GSE1: variants seen among roughly 807,000 people sequenced by gnomAD.
GSE1 encodes Gse1 coiled-coil protein.
In GSE1, 32 loss-of-function variants were observed where a neutral mutation model predicts 112.6. The observed-to-expected ratio is 0.28, with a 90% CI of 0.21 to 0.38. The LOEUF (loss-of-function observed/expected upper bound fraction) is 0.38. Ranked by LOEUF, GSE1 falls within the 10% of genes least tolerant of loss-of-function variation. GSE1 has a pLI of 1.00. For synonymous variants in GSE1, 1,115 were observed against 735.6 expected (o/e 1.52, Z -8.35); for missense variants, 2,348 against 1,699.2 (o/e 1.38, Z -6.71).
chr16:85,262,595 G>A (rs1186285134), intron 1 of GSE1, among the ~76,000 whole-genome samples: 1 of 152,236 alleles, frequency 6.6e-6, no homozygotes, highest in Non-Finnish European at 1.5e-5. Flanking sequence ...GTCAGCAGGA[G>A]AAGGACGCAA....
At chr16:85,613,304 G>A (rs2048119736), upstream of GSE1, 3 of 1,545,526 alleles carry the variant, frequency 1.9e-6, no homozygotes, top group East Asian at 2.5e-5. Flanking sequence ...CCGCCGAGCA[G>A]CCCCGGGTGA....
At chr16:85,608,587 A>T (rs544224388), upstream of GSE1, among the ~76,000 whole-genome samples, 28 of 152,322 alleles carry the variant, frequency 1.8e-4, no homozygotes, top group South Asian at 1.9e-3. Flanking sequence ...GTGGTTACCG[A>T]GAAGTGCTGC....
At chr16:85,484,544 G>C (rs1338034640) in intron 2 of GSE1, among the ~76,000 whole-genome samples, 1 of 152,204 alleles carries the variant, frequency 6.6e-6, no homozygotes, top group Non-Finnish European at 1.5e-5. Flanking sequence ...ACGCCTCCGC[G>C]ACACAGCAGG....
intron 2 of GSE1, chr16:85,490,979 C>T (rs1461633218): frequency 6.6e-6 from 1 of 152,148 alleles, no homozygotes; most frequent in Non-Finnish European, 1.5e-5. Context: ...CGGGAGCCTC[C>T]CCAACGCGGG....
chr16:85,328,472 G>A (rs1223109811), intron 1 of GSE1, among the ~76,000 whole-genome samples: 9 of 152,198 alleles, frequency 5.9e-5, no homozygotes, highest in East Asian at 5.8e-4. Context: ...TCCCCCGCCC[G>A]CCTAGACACT....
intron 2 of GSE1, among the ~76,000 whole-genome samples, chr16:85,413,617 A>G (rs2048634895): frequency 6.6e-6 from 1 of 152,150 alleles, no homozygotes; most frequent in Admixed American, 6.5e-5. Flanking sequence ...TATCAATTAC[A>G]TACATGTACC....
intron 1 of GSE1, among the ~76,000 whole-genome samples, chr16:85,308,676 A>T (rs1382008730): frequency 6.6e-6 from 1 of 152,004 alleles, no homozygotes; most frequent in Non-Finnish European, 1.5e-5. Context: ...ATATATTTTT[A>T]AAACACATTG....
At chr16:85,662,764 A>G in intron 9 of GSE1, 1 of 541,518 alleles carries the variant, frequency 1.8e-6, no homozygotes, top group South Asian at 2.4e-5. Flanking sequence ...ACTGGGAGCC[A>G]TGGATCCCAG....
intron 2 of GSE1, among the ~76,000 whole-genome samples, chr16:85,513,172 CCT>C (rs1470032791): frequency 6.6e-6 from 1 of 152,164 alleles, no homozygotes; most frequent in East Asian, 1.9e-4. Flanking sequence ...ACTCCTGCTG[CCT>C]CTGTGTCCTG....
chr16:85,417,661 C>T (rs1009337501), intron 2 of GSE1, among the ~76,000 whole-genome samples: 42 of 152,210 alleles, frequency 2.8e-4, no homozygotes, highest in Non-Finnish European at 4.6e-4. Flanking sequence ...GGCTGGGGCC[C>T]AAGGCCAGTG....
Position 85,414,506 on chromosome 16 carries a change from C to T in GSE1, c.2464+56863C>T, listed in dbSNP as rs551439968. 4.6e-5 allele frequency among the ~76,000 whole-genome samples: 7 copies of T among 152,356 alleles called. No homozygotes were observed. The South Asian group carries it at 1.0e-3, about 23-fold the overall frequency. On this transcript the variant is annotated intron_variant, in intron 2 of 2. Transcript: ENST00000637419. ...TGCCCTGACCCACAGAATGACATCGCCATGCCTTCGTGGGTCCCAACACCC... is the reference window on the plus strand; with the variant it reads ...TGCCCTGACCCACAGAATGACATCGTCATGCCTTCGTGGGTCCCAACACCC...
At chr16:85,252,955 G>C (rs1906644299) in intron 1 of GSE1, among the ~76,000 whole-genome samples, 1 of 152,032 alleles carries the variant, frequency 6.6e-6, no homozygotes, top group African/African-American at 2.4e-5. Context: ...GAGGTGGAAG[G>C]GAAGTGGAAG....
At chr16:85,281,142 C>T (rs886649593) in intron 1 of GSE1, among the ~76,000 whole-genome samples, 1 of 152,172 alleles carries the variant, frequency 6.6e-6, no homozygotes, top group Non-Finnish European at 1.5e-5. Flanking sequence ...TCAGCATCAC[C>T]TCCACAAAGC....
chr16:85,484,131 A>G (rs1025060417), intron 2 of GSE1, among the ~76,000 whole-genome samples: 4 of 152,230 alleles, frequency 2.6e-5, no homozygotes, highest in African/African-American at 9.6e-5. Flanking sequence ...GCCGTGCAGG[A>G]ATATGCCCCT....
Position 85,646,252 on chromosome 16 carries a change from C to T in GSE1, c.227-2300C>T, listed in dbSNP as rs554346040. Among the ~76,000 whole-genome samples the T allele has an allele frequency of 2.0e-4, 30 of 149,998 alleles. No homozygotes were observed. The East Asian group carries it at 3.5e-3, about 17-fold the overall frequency. ...CCACGCATTCTACCTGCTTCTACCA[C>T]GCATTCTACTTGCTTCTACCATGCC... On this transcript the variant is annotated intron_variant, in intron 2 of 15. Transcript: ENST00000253458.
intron 2 of GSE1, among the ~76,000 whole-genome samples, chr16:85,444,703 G>T (rs917533088): frequency 2.0e-5 from 3 of 151,736 alleles, no homozygotes; most frequent in Admixed American, 2.0e-4. Context: ...CTATAGCCGG[G>T]CTCCGTGTTG....
chr16:85,219,005 G>A lies in GSE1; in HGVS notation c.2283+47198G>A, dbSNP rs560891516. On this transcript the variant is annotated intron_variant, in intron 1 of 2. Coordinates refer to the GSE1 transcript ENST00000637419. ...CACCATTCTTCTGCCTCAGCCTCCC[G>A]AGTAGCTGGGACTACAGGTGCCTGC... 4.6e-5 allele frequency among the ~76,000 whole-genome samples: 7 copies of A among 152,020 alleles called. 1 individual carries two copies. Among genetic ancestry groups the A allele is most frequent in the East Asian group, 3.9e-4 (2 of 5,164 alleles).
chr16:85,530,354 G>A (rs1046643657), intron 2 of GSE1, among the ~76,000 whole-genome samples: 2 of 152,196 alleles, frequency 1.3e-5, no homozygotes, highest in Admixed American at 6.5e-5. Flanking sequence ...CTCCTCCCCG[G>A]TGATGCAATC....
intron 1 of GSE1, among the ~76,000 whole-genome samples, chr16:85,215,693 C>T (rs190523977): frequency 1.2e-4 from 18 of 152,316 alleles, no homozygotes; most frequent in East Asian, 3.9e-4. Flanking sequence ...CTGTGTGCCC[C>T]GCACTGTTCC....
Sources: allele counts gnomAD v4.1 joint callset (sites outside exome capture counted in the v4.1 genomes callset), GRCh38; gene constraint gnomAD v4.1.1; transcripts MANE v1.5; gene names NCBI Gene and HGNC (gene_info 2026-07-23, HGNC 2026-07-21).